ERC2: variants seen among roughly 807,000 people sequenced by gnomAD.
The protein encoded by ERC2 is ERC protein 2.
In ERC2, 42 loss-of-function variants were observed where a neutral mutation model predicts 114.8. The observed-to-expected ratio is 0.37, with a 90% CI of 0.29 to 0.47. The LOEUF is 0.47. ERC2 is among the 20% of genes least tolerant of loss of function. The pLI is 0.99. For missense variants in ERC2, 939 were observed against 1,150.7 expected (o/e 0.82, Z 2.66); for synonymous variants, 454 against 425.5 (o/e 1.07, Z -0.82).
At chr3:55,887,601 G>C (rs747505362) in intron 14 of ERC2, among the ~76,000 whole-genome samples, 8 of 152,336 alleles carry the variant, frequency 5.3e-5, no homozygotes, top group Middle Eastern at 3.4e-3. Flanking sequence ...TTCACAAACA[G>C]ACCTATTGCA....
At chr3:55,574,214 A>C (rs2056863245) in intron 17 of ERC2, among the ~76,000 whole-genome samples, 2 of 152,196 alleles carry the variant, frequency 1.3e-5, no homozygotes, top group Non-Finnish European at 2.9e-5. Context: ...AAGGCTTCAC[A>C]GCTTCATAGC....
intron 3 of ERC2, among the ~76,000 whole-genome samples, chr3:56,291,853 A>G (rs2055108909): frequency 6.6e-6 from 1 of 152,140 alleles, no homozygotes; most frequent in Non-Finnish European, 1.5e-5. Context: ...CTGACAAAGT[A>G]CATTCTAAAA....
At chr3:55,699,254 ATTAGTT>A in intron 16 of ERC2, 118 bp downstream of exon 16, 1 of 1,205,784 alleles carries the variant, frequency 8.3e-7, no homozygotes, top group Non-Finnish European at 1.2e-6. Flanking sequence ...TACCAAAGCT[ATTAGTT>A]TCAGTTCAAA....
chr3:55,699,281 C>T lies in ERC2; in HGVS notation c.2847+97G>A, dbSNP rs553830021. 8.0e-4 allele frequency: 1,186 copies of T among 1,479,630 alleles called. 1 individual carries two copies. The highest frequency in any genetic ancestry group is 1.0e-3 in the Non-Finnish European group (1,114 of 1,064,530). 91.7% of individuals were successfully genotyped at this position (1,479,630 alleles called of 1,614,324 possible). ...TAGTTTCAGTTCAAAGAACGTATCACTTTATGATGTTTATTATTTCTTGAG... is the reference window on the plus strand; with the variant it reads ...TAGTTTCAGTTCAAAGAACGTATCATTTTATGATGTTTATTATTTCTTGAG... On this transcript the variant is annotated intron_variant, in intron 16 of 17. Transcript: ENST00000288221.
chr3:56,010,956 A>G (rs2072880782), intron 8 of ERC2, among the ~76,000 whole-genome samples: 1 of 152,204 alleles, frequency 6.6e-6, no homozygotes, highest in Non-Finnish European at 1.5e-5. Flanking sequence ...GGAAAGGGGA[A>G]GAAGTAGAAC....
chr3:55,513,602 T>C (rs1247777576), intron 17 of ERC2, among the ~76,000 whole-genome samples: 2 of 151,478 alleles, frequency 1.3e-5, no homozygotes, highest in Non-Finnish European at 2.9e-5. Flanking sequence ...GTACATCCAA[T>C]AGAGCGTGTG....
chr3:55,544,449 G>A (rs748286337), intron 17 of ERC2, among the ~76,000 whole-genome samples: 1 of 152,194 alleles, frequency 6.6e-6, no homozygotes. Flanking sequence ...TGGCTGGAAA[G>A]AGGCCAAATC....
At chr3:55,705,231 G>T (rs1234218813) in intron 15 of ERC2, among the ~76,000 whole-genome samples, 1 of 152,138 alleles carries the variant, frequency 6.6e-6, no homozygotes, top group East Asian at 1.9e-4. Context: ...ATCAAATAAG[G>T]CTCCATGGGT....
At chr3:56,058,196 A>G (rs528099631) in intron 7 of ERC2, among the ~76,000 whole-genome samples, 1 of 152,316 alleles carries the variant, frequency 6.6e-6, no homozygotes, top group East Asian at 1.9e-4. Flanking sequence ...TCCTGAACCC[A>G]TGCCTCCCCT....
intron 14 of ERC2, among the ~76,000 whole-genome samples, chr3:55,736,288 T>C (rs116721208): frequency 0.014 from 2,197 of 152,244 alleles, 54 homozygotes; most frequent in African/African-American, 0.05. Context: ...AGGGCCTCTG[T>C]TCCTCTTCTC....
intron 2 of ERC2, among the ~76,000 whole-genome samples, chr3:56,333,214 A>T (rs1375967009): frequency 1.3e-5 from 2 of 152,226 alleles, no homozygotes; most frequent in Non-Finnish European, 2.9e-5. Context: ...ACAAGCTCCC[A>T]AGGGCAGGGT....
chr3:56,068,944 T>G (rs1276282820), intron 7 of ERC2, among the ~76,000 whole-genome samples: 1 of 152,146 alleles, frequency 6.6e-6, no homozygotes, highest in African/African-American at 2.4e-5. Context: ...TGCTGAGGAG[T>G]GTTTTACTTC....
chr3:55,688,323 G>A (rs193288725), intron 16 of ERC2, among the ~76,000 whole-genome samples: 59 of 152,290 alleles, frequency 3.9e-4, no homozygotes, highest in Non-Finnish European at 7.5e-4. Flanking sequence ...TGACACAGGT[G>A]TCAGGAGGTT....
At chr3:55,594,827 G>C (rs1342578044) in intron 17 of ERC2, among the ~76,000 whole-genome samples, 3 of 152,020 alleles carry the variant, frequency 2.0e-5, no homozygotes, top group Non-Finnish European at 4.4e-5. Context: ...TGAGTTCTTT[G>C]ATTACATGAT....
At chr3:55,744,525 C>T (rs753207770) in intron 14 of ERC2, among the ~76,000 whole-genome samples, 4 of 152,252 alleles carry the variant, frequency 2.6e-5, no homozygotes, top group Non-Finnish European at 5.9e-5. Context: ...GATGTTTGCA[C>T]AGGAATGTGA....
intron 14 of ERC2, among the ~76,000 whole-genome samples, chr3:55,869,233 A>G (rs1057306148): frequency 6.6e-6 from 1 of 152,130 alleles, no homozygotes; most frequent in African/African-American, 2.4e-5. Flanking sequence ...TGGAGGAAAA[A>G]GGGGGTCTCT....
chr3:55,836,423 AG>A (rs1317023096), intron 14 of ERC2, among the ~76,000 whole-genome samples: 1 of 152,234 alleles, frequency 6.6e-6, no homozygotes, highest in Non-Finnish European at 1.5e-5. Flanking sequence ...TCAATGGAAC[AG>A]AACAGAACCC....
intron 7 of ERC2, among the ~76,000 whole-genome samples, chr3:56,051,293 T>C (rs529051067): frequency 6.6e-6 from 1 of 152,292 alleles, no homozygotes; most frequent in East Asian, 1.9e-4. Flanking sequence ...AAGATGGTTT[T>C]AACATTTTTC....
At chr3:56,081,768 C>A (rs1454231772) in intron 6 of ERC2, among the ~76,000 whole-genome samples, 2 of 151,868 alleles carry the variant, frequency 1.3e-5, no homozygotes, top group East Asian at 1.9e-4. Context: ...AGAAAAATAT[C>A]ACTGGGGTGG....
Sources: gnomAD v4.1 joint callset for allele counts (sites outside exome capture counted in the v4.1 genomes callset) on GRCh38, gnomAD v4.1.1 for gene constraint, MANE v1.5 for transcripts, NCBI Gene and HGNC (gene_info 2026-07-23, HGNC 2026-07-21) for gene names.